The following NUDCD3 variants were observed in gnomAD, a reference collection of about 807,000 sequenced individuals.
The protein encoded by NUDCD3 is NudC domain containing 3, also known as nudC domain-containing protein 3.
Under a neutral mutation model 39.7 loss-of-function variants are expected in NUDCD3, and 13 were observed. The ratio of observed to expected loss-of-function variants is 0.33; its 90% CI spans 0.21 to 0.52. The LOEUF (loss-of-function observed/expected upper bound fraction) is 0.52. NUDCD3 is among the 20% of genes least tolerant of loss of function. The pLI is 0.96. For synonymous variants in NUDCD3, 175 were observed against 172.4 expected (o/e 1.02, Z -0.12); for missense variants, 453 against 458.1 (o/e 0.99, Z 0.10).
intron 1 of NUDCD3, among the ~76,000 whole-genome samples, chr7:44,488,493 T>C (rs1800664796): frequency 6.6e-6 from 1 of 152,082 alleles, no homozygotes; most frequent in Middle Eastern, 3.2e-3. Context: ...CCAAGATTAT[T>C]CCCCAAGGCC....
At chr7:44,394,037 G>A (rs1364672035) in intron 4 of NUDCD3, among the ~76,000 whole-genome samples, 1 of 152,212 alleles carries the variant, frequency 6.6e-6, no homozygotes, top group African/African-American at 2.4e-5. Context: ...ACCAGACTCT[G>A]CAGAGCCCAG....
intron 1 of NUDCD3, among the ~76,000 whole-genome samples, chr7:44,486,039 G>C (rs1175078212): frequency 6.6e-6 from 1 of 152,232 alleles, no homozygotes; most frequent in African/African-American, 2.4e-5. Flanking sequence ...TCTGGCGAAA[G>C]AAATCTAGGG....
At chr7:44,406,777 T>C (rs889286847) in intron 3 of NUDCD3, among the ~76,000 whole-genome samples, 6 of 151,470 alleles carry the variant, frequency 4.0e-5, no homozygotes, top group Non-Finnish European at 7.4e-5. Context: ...ACAGTGAAAA[T>C]GGGGGAAGAG....
chr7:44,403,165 G>C (rs1798754846), intron 4 of NUDCD3, among the ~76,000 whole-genome samples: 1 of 152,222 alleles, frequency 6.6e-6, no homozygotes, highest in Non-Finnish European at 1.5e-5. Context: ...GCCATGGGCA[G>C]GGGAGCACAC....
chr7:44,482,143 G>A (rs186734444), intron 2 of NUDCD3, among the ~76,000 whole-genome samples: 13 of 152,272 alleles, frequency 8.5e-5, no homozygotes, highest in African/African-American at 2.9e-4. Context: ...TACTAGTAAG[G>A]AGGCTGCGCA....
intron 4 of NUDCD3, among the ~76,000 whole-genome samples, chr7:44,394,104 G>A (rs1261958273): frequency 2.0e-5 from 3 of 152,170 alleles, no homozygotes; most frequent in African/African-American, 4.8e-5. Context: ...GATGTGGTGC[G>A]GGAGAGCACA....
At chr7:44,391,196 G>A (rs1798508360) in intron 5 of NUDCD3, among the ~76,000 whole-genome samples, 1 of 152,194 alleles carries the variant, frequency 6.6e-6, no homozygotes, top group Non-Finnish European at 1.5e-5. Context: ...ATTTTCAGGG[G>A]TACTGTGCAG....
chr7:44,393,696 C>G (rs1798564432), intron 4 of NUDCD3, among the ~76,000 whole-genome samples: 1 of 152,190 alleles, frequency 6.6e-6, no homozygotes, highest in Non-Finnish European at 1.5e-5. Context: ...ATGGGACTCT[C>G]TGATGGGATT....
rs189292391 is a variant in NUDCD3 at position 44,430,938 on chromosome 7, C to T, written c.510-3235G>A. On this transcript the variant is annotated intron_variant, in intron 2 of 5. Coordinates refer to ENST00000355451, the MANE Select transcript of NUDCD3 (RefSeq NM_015332.4). ...CACACAGAACCTGCCTAACCCCATC[C>T]TCCTGCCGTGTCCTCAGTAGCCCTG... Among the ~76,000 whole-genome samples, 9 of 152,316 alleles carry T rather than the reference C, an allele frequency of 5.9e-5. No homozygotes were observed. The East Asian group carries it at 1.7e-3, about 29-fold the overall frequency.
intron 2 of NUDCD3, among the ~76,000 whole-genome samples, chr7:44,434,487 C>T (rs1046767357): frequency 2.0e-5 from 3 of 152,228 alleles, no homozygotes; most frequent in African/African-American, 4.8e-5. Context: ...TTCCCCTACC[C>T]GCCAGGCTCC....
intron 3 of NUDCD3, 24 bp from the exon 4 acceptor site, chr7:44,404,607 C>A (rs1253280783): frequency 3.1e-6 from 5 of 1,610,964 alleles, no homozygotes; most frequent in South Asian, 1.1e-5. Flanking sequence ...AGAAGAAAAT[C>A]ATCTCTCCTA....
At chr7:44,429,401 G>T (rs963464321) in intron 2 of NUDCD3, among the ~76,000 whole-genome samples, 1 of 152,166 alleles carries the variant, frequency 6.6e-6, no homozygotes, top group Non-Finnish European at 1.5e-5. Context: ...AGACAATGGG[G>T]TGATGTGCCT....
Position 44,380,792 on chromosome 7 carries a change from C to G in NUDCD3, c.*5219G>C, listed in dbSNP as rs548976714. On this transcript the variant is annotated 3_prime_UTR_variant, in exon 6 of 6. Coordinates refer to ENST00000355451, the MANE Select transcript of NUDCD3 (RefSeq NM_015332.4). ...AGAGCAGCTTCCTAAACTCCCTAGT[C>G]CAGCAGAGGTTAGGGCTCGCTTTCC... 1.3e-5 allele frequency: 2 copies of G among 152,430 alleles called. No homozygotes were observed. Among genetic ancestry groups the G allele is most frequent in the Admixed American group, 1.3e-4 (2 of 15,310 alleles). The allele number at this position is 152,430 out of a possible 1,614,324, so 9.4% of individuals were successfully genotyped here. A position where few individuals can be genotyped will look rare whatever the true frequency, so the allele number is the denominator to read the frequency against.
rs375774867 is a variant in NUDCD3 at position 44,427,618 on chromosome 7, G to A, written c.595C>T (p.Leu199=). ...NYTWSQDYTD[L]EVRVPVPKHV... is the part of the protein sequence containing the mutation. ...TTGGGTACTGGCACCCTGACCTCCA[G>A]GTCAGTATAGTCCTGTGACCAGGTG... The change falls in exon 3 of 6, where the codon CTG becomes TTG. Residue 199 remains leucine, a synonymous_variant. Coordinates refer to ENST00000355451, the MANE Select transcript of NUDCD3 (RefSeq NM_015332.4). 1 of 1,613,854 alleles carries A rather than the reference G, an allele frequency of 6.2e-7. No individual in the cohort carries two copies. The highest frequency in any genetic ancestry group is 2.2e-5 in the East Asian group (1 of 44,850).
intron 2 of NUDCD3, 69 bp from the exon 3 acceptor site, chr7:44,427,772 C>A: frequency 2.0e-6 from 3 of 1,533,822 alleles, no homozygotes; most frequent in South Asian, 2.4e-5. Flanking sequence ...GGCAGCCTAG[C>A]CCATGCCACT....
At chr7:44,463,132 G>A (rs1800050020) in intron 2 of NUDCD3, among the ~76,000 whole-genome samples, 1 of 152,090 alleles carries the variant, frequency 6.6e-6, no homozygotes, top group East Asian at 1.9e-4. Flanking sequence ...ACCCCGATAG[G>A]GTCAGGAGGC....
At chr7:44,393,671 A>T (rs892750175) in intron 4 of NUDCD3, among the ~76,000 whole-genome samples, 1 of 152,192 alleles carries the variant, frequency 6.6e-6, no homozygotes, top group Non-Finnish European at 1.5e-5. Flanking sequence ...AGGTACATTC[A>T]CATGCCCAAG....
At chr7:44,468,232 G>A (rs1585099823) in intron 2 of NUDCD3, 2 of 1,597,490 alleles carry the variant, frequency 1.3e-6, no homozygotes, top group Non-Finnish European at 1.7e-6. Context: ...AAGCCATCGT[G>A]GAAACAGCTG....
At chr7:44,398,819 G>A (rs1798670811) in intron 4 of NUDCD3, among the ~76,000 whole-genome samples, 1 of 152,174 alleles carries the variant, frequency 6.6e-6, no homozygotes, top group Admixed American at 6.5e-5. Flanking sequence ...CAGATAACGG[G>A]GTGAGACGAC....
Sources: gnomAD v4.1 joint callset for allele counts (sites outside exome capture counted in the v4.1 genomes callset) on GRCh38, gnomAD v4.1.1 for gene constraint, MANE v1.5 for transcripts, NCBI Gene and HGNC (gene_info 2026-07-23, HGNC 2026-07-21) for gene names.